CCDC3: variants seen among roughly 807,000 people sequenced by gnomAD.
The protein encoded by CCDC3 is coiled-coil domain containing 3.
In CCDC3, 24 loss-of-function variants were observed where a neutral mutation model predicts 21.4. The ratio of observed to expected loss-of-function variants is 1.12; its 90% CI spans 0.81 to 1.58. The LOEUF is 1.58. Among genes scored for constraint, CCDC3 ranks in the 40% most tolerant of loss-of-function variants. The probability of loss-of-function intolerance (pLI) is 0.00; values close to 1 mark genes in which losing one functional copy is unlikely to be tolerated. For synonymous variants in CCDC3, 186 were observed against 166.0 expected (o/e 1.12, Z -0.93); for missense variants, 425 against 360.9 (o/e 1.18, Z -1.44).
intron 5 of CCDC3, among the ~76,000 whole-genome samples, chr10:13,020,526 A>T (rs1288260750): frequency 6.6e-6 from 1 of 152,216 alleles, no homozygotes; most frequent in South Asian, 2.1e-4. Flanking sequence ...CCTACAACAC[A>T]TTTCTTTCTT....
At chr10:13,018,776 CAA>C (rs1258817423) in intron 5 of CCDC3, among the ~76,000 whole-genome samples, 1 of 151,256 alleles carries the variant, frequency 6.6e-6, no homozygotes, top group African/African-American at 2.4e-5. Context: ...ACTAAAAATA[CAA>C]AAAAAATCAG....
chr10:12,908,606 A>ATTT (rs1474019210), intron 2 of CCDC3, among the ~76,000 whole-genome samples: 5 of 121,800 alleles, frequency 4.1e-5, no homozygotes, highest in South Asian at 2.6e-4. Flanking sequence ...AAGAACTGTG[A>ATTT]TTTTTCTTTT....
At chr10:12,960,161 CACACACA>C (rs1021346923) in intron 2 of CCDC3, among the ~76,000 whole-genome samples, 1 of 19,188 alleles carries the variant, frequency 5.2e-5, no homozygotes, top group Non-Finnish European at 1.1e-4. Context: ...TTCACACACA[CACACACA>C]ACACACACAC....
At chr10:13,034,311 G>A (rs1331813139) in intron 5 of CCDC3, among the ~76,000 whole-genome samples, 4 of 147,220 alleles carry the variant, frequency 2.7e-5, no homozygotes, top group Non-Finnish European at 6.0e-5. Flanking sequence ...TTGGACACAG[G>A]GTGGAGAACA....
intron 4 of CCDC3, among the ~76,000 whole-genome samples, chr10:13,066,389 T>C (rs1836820161): frequency 6.6e-6 from 1 of 152,234 alleles, no homozygotes; most frequent in South Asian, 2.1e-4. Context: ...TTAGCAGATA[T>C]TTTTTGACTG....
intron 3 of CCDC3, among the ~76,000 whole-genome samples, chr10:13,089,007 C>CAAAA: frequency 9.0e-6 from 1 of 110,836 alleles, no homozygotes; most frequent in African/African-American, 3.2e-5. Context: ...GAGACTGTCT[C>CAAAA]AAAAAAAAAA....
rs555493813 is a variant in CCDC3, at chr10:12,959,457, C to T, written c.549+38881G>A. On this transcript the variant is annotated intron_variant, in intron 2 of 2. Transcript: ENST00000378825. Reference sequence around the variant, plus strand: ...TGCTGGGATTACAGTCATGAGGCACCGTGCCCAACCTACAAGCTAAAAAGT... The same window carrying T: ...TGCTGGGATTACAGTCATGAGGCACTGTGCCCAACCTACAAGCTAAAAAGT... 5.9e-5 allele frequency among the ~76,000 whole-genome samples: 9 copies of T among 152,190 alleles called. No individual in the cohort carries two copies. In the South Asian group the frequency reaches 1.2e-3, roughly 21 times the overall value.
chr10:13,089,308 C>A (rs1476505068), intron 3 of CCDC3, among the ~76,000 whole-genome samples: 2 of 143,706 alleles, frequency 1.4e-5, no homozygotes, highest in Non-Finnish European at 3.1e-5. Context: ...GTGAACATTT[C>A]TTTATGTTTA....
rs549894146 is a variant in CCDC3, at chr10:13,015,709, G to A, written c.-1-17197C>T. ...AAAGATTCTGGAGATAGAAACAGAC[G>A]TGACACAATTTCTTCCCTCCAGGAA... is the stretch of plus-strand genomic sequence containing the variant. On this transcript the variant is annotated intron_variant, in intron 5 of 6. Coordinates refer to the CCDC3 transcript ENST00000378839. 3.9e-5 allele frequency among the ~76,000 whole-genome samples: 6 copies of A among 152,098 alleles called. No homozygotes were observed. In the East Asian group the frequency reaches 7.7e-4, roughly 20 times the overall value.
chr10:13,072,364 C>T (rs1424017528), intron 4 of CCDC3, among the ~76,000 whole-genome samples: 6 of 141,844 alleles, frequency 4.2e-5, no homozygotes, highest in Non-Finnish European at 9.5e-5. Flanking sequence ...CTTATCCTTA[C>T]CTTATTCTAA....
At chr10:12,976,296 T>A (rs1835416954) in intron 2 of CCDC3, among the ~76,000 whole-genome samples, 1 of 152,224 alleles carries the variant, frequency 6.6e-6, no homozygotes, top group Non-Finnish European at 1.5e-5. Context: ...ATTCATTCGT[T>A]CATTCATTCA....
intron 2 of CCDC3, among the ~76,000 whole-genome samples, chr10:12,969,122 A>G (rs1589025349): frequency 1.3e-5 from 2 of 152,202 alleles, no homozygotes; most frequent in African/African-American, 4.8e-5. Flanking sequence ...CATGTAAACA[A>G]GTCAATTAAA....
intron 4 of CCDC3, among the ~76,000 whole-genome samples, chr10:13,065,532 T>C (rs980949049): frequency 2.0e-5 from 3 of 152,180 alleles, no homozygotes; most frequent in African/African-American, 7.2e-5. Flanking sequence ...GGCCACTCTA[T>C]CTTTAGTATA....
At chr10:13,070,331 A>G (rs1836866704) in intron 4 of CCDC3, among the ~76,000 whole-genome samples, 1 of 152,232 alleles carries the variant, frequency 6.6e-6, no homozygotes, top group Non-Finnish European at 1.5e-5. Context: ...CATCAGTGCA[A>G]TAAGAATCCA....
intron 4 of CCDC3, among the ~76,000 whole-genome samples, chr10:13,066,780 G>A (rs1836825119): frequency 6.6e-6 from 1 of 152,198 alleles, no homozygotes; most frequent in Non-Finnish European, 1.5e-5. Flanking sequence ...GGAGGAGCCT[G>A]GCTCTTCAGT....
chr10:13,044,278 T>A (rs1836497029), intron 5 of CCDC3, among the ~76,000 whole-genome samples: 1 of 152,218 alleles, frequency 6.6e-6, no homozygotes, highest in Non-Finnish European at 1.5e-5. Flanking sequence ...ATGCATAGTT[T>A]GTGAATATCC....
intron 3 of CCDC3, among the ~76,000 whole-genome samples, chr10:13,094,583 G>T (rs923757150): frequency 7.9e-5 from 12 of 152,030 alleles, no homozygotes; most frequent in African/African-American, 2.9e-4. Context: ...CATGAGGCAG[G>T]CCCGGCACAG....
chr10:13,075,131 C>T (rs188259518), intron 3 of CCDC3, among the ~76,000 whole-genome samples: 10 of 152,314 alleles, frequency 6.6e-5, no homozygotes, highest in Admixed American at 6.5e-4. Flanking sequence ...CTTTACATCC[C>T]TTTATAACAA....
intron 2 of CCDC3, among the ~76,000 whole-genome samples, chr10:12,933,458 ATTTTTTT>A (rs61565163): frequency 6.9e-6 from 1 of 144,636 alleles, no homozygotes; most frequent in Admixed American, 6.9e-5. Flanking sequence ...TATTCCCTTT[ATTTTTTT>A]TTTTTTTGAG....
Sources: allele counts gnomAD v4.1 joint callset (sites outside exome capture counted in the v4.1 genomes callset), GRCh38; gene constraint gnomAD v4.1.1; transcripts MANE v1.5; gene names NCBI Gene and HGNC (gene_info 2026-07-23, HGNC 2026-07-21).